Variants in BACC1 observed in about 807,000 individuals in gnomAD.
BACC1 encodes BPTF-associated chromatin complex component 1.
chr17:7,015,741 A>G, the BACC1 span: 1 of 1,577,770 alleles, frequency 6.3e-7, no homozygotes, highest in Non-Finnish European at 8.7e-7. Context: ...CCCCCCTCCC[A>G]TTTTTGCTAT....
chr17:7,015,896 G>C, the BACC1 span: 4 of 1,604,916 alleles, frequency 2.5e-6, no homozygotes, highest in Admixed American at 5.0e-5. Flanking sequence ...GTGGCTGCCA[G>C]AAAAGGGCGG....
the BACC1 span, chr17:7,014,903 C>A: frequency 1.3e-6 from 2 of 1,514,580 alleles, no homozygotes; most frequent in Non-Finnish European, 1.8e-6. The surrounding 1 kb of genome is among the most constrained non-coding windows in gnomAD (Gnocchi z 4.5). Flanking sequence ...GCGGACAGCG[C>A]TCCCTGGCGG....
At chr17:7,016,645 C>T in the BACC1 span, 2 of 1,613,580 alleles carry the variant, frequency 1.2e-6, no homozygotes, top group Non-Finnish European at 1.7e-6. Context: ...GCTCCAGTGT[C>T]CCTGAGGCCG....
chr17:7,016,886 AC>A, the BACC1 span: 2 of 1,599,382 alleles, frequency 1.3e-6, no homozygotes, highest in Non-Finnish European at 1.7e-6. Flanking sequence ...GGAACCTAGA[AC>A]CTAGCTTATG....
chr17:7,017,398 A>G, the BACC1 span: 8 of 1,418,454 alleles, frequency 5.6e-6, no homozygotes, highest in Non-Finnish European at 4.0e-6. Flanking sequence ...CCTGCACGAG[A>G]GAGGGCTGAA....
chr17:7,017,244 C>G, the BACC1 span: 2 of 1,614,136 alleles, frequency 1.2e-6, no homozygotes, highest in Non-Finnish European at 1.7e-6. Flanking sequence ...GCCCATTTTA[C>G]TTCCTGTTCC....
At chr17:7,014,803 C>G in the BACC1 span, 2 of 1,522,442 alleles carry the variant, frequency 1.3e-6, no homozygotes, top group Middle Eastern at 1.7e-4. The surrounding 1 kb of genome is among the most constrained non-coding windows in gnomAD (Gnocchi z 4.5). Context: ...TCTCCGTGGT[C>G]CCGGCTCGCG....
the BACC1 span, chr17:7,015,825 A>AT: frequency 1.2e-6 from 2 of 1,613,764 alleles, no homozygotes; most frequent in Non-Finnish European, 1.7e-6. Flanking sequence ...CTGTGAAGCG[A>AT]TTTGGGGACG....
chr17:7,015,834 C>A, the BACC1 span: 1 of 1,613,880 alleles, frequency 6.2e-7, no homozygotes, highest in South Asian at 1.1e-5. Flanking sequence ...GATTTGGGGA[C>A]GATCTTAATC....
the BACC1 span, chr17:7,016,480 CTCTCT>C: frequency 3.7e-6 from 6 of 1,610,932 alleles, no homozygotes; most frequent in Non-Finnish European, 4.2e-6. Context: ...CTAACCTCTT[CTCTCT>C]TTTCTTCAGG....
chr17:7,015,480 C>G, the BACC1 span: 1 of 1,370,740 alleles, frequency 7.3e-7, no homozygotes, highest in Non-Finnish European at 9.4e-7. Flanking sequence ...TTTGAAAAGC[C>G]CTTCCTGGCG....
At chr17:7,015,771 C>T in the BACC1 span, 2 of 1,613,544 alleles carry the variant, frequency 1.2e-6, no homozygotes, top group African/African-American at 1.3e-5. Context: ...CCCCTTCTGA[C>T]AGTGCGAAGT....
the BACC1 span, chr17:7,017,343 A>T: frequency 2.5e-6 from 4 of 1,594,288 alleles, no homozygotes; most frequent in South Asian, 4.4e-5. Context: ...CTGACCTCTC[A>T]CTGTTCATGC....
At chr17:7,014,983 A>G in the BACC1 span, 1 of 1,381,442 alleles carries the variant, frequency 7.2e-7, no homozygotes. This position sits in a 1 kb window ranked among gnomAD's most constrained non-coding sequence, Gnocchi z 4.5. Flanking sequence ...GCGGGAGCCG[A>G]GCCTGGGGTG....
chr17:7,014,792 C>G, the BACC1 span: 1 of 1,519,214 alleles, frequency 6.6e-7, no homozygotes, highest in Non-Finnish European at 8.8e-7. The surrounding 1 kb of genome is among the most constrained non-coding windows in gnomAD (Gnocchi z 4.5). Flanking sequence ...AGTCTCCCTG[C>G]TCTCCGTGGT....
At chr17:7,017,232 C>A in the BACC1 span, 1 of 1,614,084 alleles carries the variant, frequency 6.2e-7, no homozygotes. Flanking sequence ...CGCTCCATCT[C>A]GGCCCATTTT....
the BACC1 span, chr17:7,017,340 C>T: frequency 1.3e-6 from 2 of 1,598,120 alleles, no homozygotes; most frequent in East Asian, 2.2e-5. Flanking sequence ...CCTCTGACCT[C>T]TCACTGTTCA....
At chr17:7,014,791 G>A in the BACC1 span, 46 of 1,518,876 alleles carry the variant, frequency 3.0e-5, no homozygotes, top group Non-Finnish European at 3.5e-5. The surrounding 1 kb of genome is among the most constrained non-coding windows in gnomAD (Gnocchi z 4.5). Flanking sequence ...CAGTCTCCCT[G>A]CTCTCCGTGG....
At chr17:7,017,008 G>C in the BACC1 span, 1 of 1,611,238 alleles carries the variant, frequency 6.2e-7, no homozygotes, top group African/African-American at 1.3e-5. Context: ...ACTCAACTTC[G>C]ACCAGGGTAG....
Sources: gnomAD v4.1 joint callset for allele counts on GRCh38, gnomAD v4.1.1 for gene constraint, Gnocchi (gnomAD v3.1) non-coding constraint, MANE v1.5 for transcripts, NCBI Gene and HGNC (gene_info 2026-07-23, HGNC 2026-07-21) for gene names.